The following GPATCH11 variants were observed in gnomAD, a reference collection of about 807,000 sequenced individuals.
GPATCH11 encodes the protein G-patch domain containing 11.
Under a neutral mutation model 44.8 loss-of-function variants are expected in GPATCH11, and 32 were observed. The ratio of observed to expected loss-of-function variants is 0.71; its 90% CI spans 0.54 to 0.96. The LOEUF is 0.96. Ranked by LOEUF, GPATCH11 falls within the 40% of genes least tolerant of loss-of-function variation. GPATCH11 has a pLI of 0.00. For synonymous variants in GPATCH11, 84 were observed against 94.4 expected (o/e 0.89, Z 0.64); for missense variants, 324 against 303.1 (o/e 1.07, Z -0.51).
chr2:37,092,105 G>T, intron 5 of GPATCH11, 60 bp from the exon 6 acceptor site: 1 of 1,572,660 alleles, frequency 6.4e-7, no homozygotes. Flanking sequence ...TGGTACTTGG[G>T]CATATAAAAT....
In GPATCH11 at chr2:37,098,973, C is replaced by G. The variant is rs1363280250; in HGVS notation, c.*2710C>G. The stretch of plus-strand genomic sequence containing the variant: ...TTTATAAATAGGCAATAATGAACAC[C>G]AAGGGAAGCAAAACACTGAAAAGAA... On this transcript the variant is annotated 3_prime_UTR_variant, in exon 9 of 9. Coordinates refer to ENST00000674370, the MANE Select transcript of GPATCH11 (RefSeq NM_174931.4). 1 of 151,904 alleles carries G rather than the reference C, an allele frequency of 6.6e-6. No individual in the cohort carries two copies. The highest frequency in any genetic ancestry group is 2.4e-5 in the African/African-American group (1 of 41,380). 9.4% of individuals were successfully genotyped at this position (151,904 alleles called of 1,614,324 possible). A position where few individuals can be genotyped will look rare whatever the true frequency, so the allele number is the denominator to read the frequency against.
Position 37,099,198 on chromosome 2 carries a change from T to C in GPATCH11, c.*2935T>C, listed in dbSNP as rs1673760502. 1 of 152,250 alleles carries C rather than the reference T, an allele frequency of 6.6e-6. No homozygotes were observed. The highest frequency in any genetic ancestry group is 1.5e-5 in the Non-Finnish European group (1 of 68,042). 9.4% of individuals were successfully genotyped at this position (152,250 alleles called of 1,614,324 possible). A position where few individuals can be genotyped will look rare whatever the true frequency, so the allele number is the denominator to read the frequency against. On this transcript the variant is annotated 3_prime_UTR_variant, in exon 9 of 9. Transcript: ENST00000674370. ...TTTCTGAAATTCAAAATAAATACTT[T>C]AACATACCAAATTGGTTTTTCTAAT...
In GPATCH11 at chr2:37,097,238, T is replaced by C. The variant is rs1673633986; in HGVS notation, c.*975T>C. 3 of 152,206 alleles carry C rather than the reference T, an allele frequency of 2.0e-5. No homozygotes were observed. Among genetic ancestry groups the C allele is most frequent in the Admixed American group, 2.0e-4 (3 of 15,276 alleles). 9.4% of individuals were successfully genotyped at this position (152,206 alleles called of 1,614,324 possible). ...CTTCCAGCCACAGAGAACTCACTGC[T>C]TTAAAACCATTCCATTACTGGGTAG... On this transcript the variant is annotated 3_prime_UTR_variant, in exon 9 of 9. Coordinates refer to ENST00000674370, the MANE Select transcript of GPATCH11 (RefSeq NM_174931.4).
Position 37,092,037 on chromosome 2 carries a change from G to A in GPATCH11, c.449+1G>A. 6.2e-7 allele frequency: 1 copy of A among 1,612,208 alleles called. No homozygotes were observed. ...AAGAAAAAGCTGCAGAACAGTTTCG[G>A]TAAAACTATTTTTGAGCTGGTTTTG... On this transcript the variant is annotated splice_donor_variant, in intron 5 of 8. Coordinates refer to ENST00000674370, the MANE Select transcript of GPATCH11 (RefSeq NM_174931.4). LOFTEE classifies it high-confidence loss of function.
Position 37,096,512 on chromosome 2 carries a change from G to A in GPATCH11, c.*249G>A, listed in dbSNP as rs1673593289. On this transcript the variant is annotated 3_prime_UTR_variant, in exon 9 of 9. Transcript: ENST00000674370. ...TATTGCTATATTGTGATACGTGAGG[G>A]GTTTAAGGACACCAACAGGTAACTT... 1 of 388,934 alleles carries A rather than the reference G, an allele frequency of 2.6e-6. No homozygotes were observed. The highest frequency in any genetic ancestry group is 3.6e-5 in the South Asian group (1 of 27,824). The allele number at this position is 388,934 out of a possible 1,614,324, so 24.1% of individuals were successfully genotyped here.
At chr2:37,088,229 A>T in intron 1 of GPATCH11, 140 bp from the exon 2 acceptor site, 1 of 440,520 alleles carries the variant, frequency 2.3e-6, no homozygotes, top group Admixed American at 4.0e-5. Context: ...GTTGAGTTTG[A>T]AATGTCCACA....
chr2:37,095,319 A>C, intron 7 of GPATCH11, 118 bp from the exon 8 acceptor site: 12 of 1,232,906 alleles, frequency 9.7e-6, no homozygotes, highest in Non-Finnish European at 5.4e-6. Context: ...ATTTCTAATA[A>C]CTATTCCAGA....
At chr2:37,089,550 A>G (rs1439920446) in intron 2 of GPATCH11, 90 bp from the exon 3 acceptor site, 1 of 973,594 alleles carries the variant, frequency 1.0e-6, no homozygotes, top group Non-Finnish European at 1.5e-6. Flanking sequence ...CCGGGCAACA[A>G]GAGCGAAACT....
chr2:37,098,817 T>C lies in GPATCH11; in HGVS notation c.*2554T>C, dbSNP rs1413044247. Reference sequence around the variant, plus strand: ...GTCCCAGCTACTCAGGGGGCTGAGATGGGGAATCCTTTGAGCCCAGAAGTT... The same window carrying C: ...GTCCCAGCTACTCAGGGGGCTGAGACGGGGAATCCTTTGAGCCCAGAAGTT... On this transcript the variant is annotated 3_prime_UTR_variant, in exon 9 of 9. Transcript: ENST00000674370. 1 of 152,108 alleles carries C rather than the reference T, an allele frequency of 6.6e-6. No homozygotes were observed. The highest frequency in any genetic ancestry group is 1.5e-5 in the Non-Finnish European group (1 of 68,030). 9.4% of individuals were successfully genotyped at this position (152,108 alleles called of 1,614,324 possible). A position where few individuals can be genotyped will look rare whatever the true frequency, so the allele number is the denominator to read the frequency against.
chr2:37,090,476 T>C (rs1673262465), intron 3 of GPATCH11, among the ~76,000 whole-genome samples: 2 of 152,196 alleles, frequency 1.3e-5, no homozygotes, highest in African/African-American at 4.8e-5. Context: ...TAGGAGGCTG[T>C]GAATCAGCCT....
intron 4 of GPATCH11, among the ~76,000 whole-genome samples, chr2:37,091,051 G>A (rs573240752): frequency 2.6e-5 from 4 of 152,102 alleles, no homozygotes; most frequent in South Asian, 2.1e-4. Flanking sequence ...TTGGCCGGGC[G>A]TGGTGGCTCA....
intron 1 of GPATCH11, among the ~76,000 whole-genome samples, chr2:37,086,424 A>G (rs1175215126): frequency 6.6e-6 from 1 of 152,212 alleles, no homozygotes; most frequent in Non-Finnish European, 1.5e-5. Flanking sequence ...AGTGGTAGGT[A>G]GGGAGGATAT....
At position 37,088,431 on chromosome 2, in the gene GPATCH11, T is replaced by C; in HGVS notation, c.50T>C (p.Ile17Thr). Residue 17 changes from isoleucine (I) to threonine (T), a missense_variant, in exon 2 of 9, where the codon ATT becomes ACT. Coordinates refer to ENST00000674370, the MANE Select transcript of GPATCH11 (RefSeq NM_174931.4). The part of the protein sequence containing the change: ...EEEDYMSDSF[I>T]NVQEDIRPGL... ...GAGGACTATATGTCTGATTCCTTCA[T>C]TAATGTCCAGTAAGTAAATGTGCAC... 1.3e-6 allele frequency: 2 copies of C among 1,552,064 alleles called. No individual in the cohort carries two copies. Among genetic ancestry groups the C allele is most frequent in the Middle Eastern group, 2.0e-4 (1 of 5,006 alleles).
At chr2:37,093,990 C>A in intron 6 of GPATCH11, 92 bp from the exon 7 acceptor site, 1 of 821,736 alleles carries the variant, frequency 1.2e-6, no homozygotes, top group Non-Finnish European at 2.0e-6. Flanking sequence ...TCAGTGAATA[C>A]GTATTGAAAG....
intron 7 of GPATCH11, 112 bp from the exon 8 acceptor site, chr2:37,095,325 C>G: frequency 7.8e-7 from 1 of 1,284,918 alleles, no homozygotes; most frequent in Non-Finnish European, 1.0e-6. Context: ...AATAACTATT[C>G]CAGAGTATAG....
chr2:37,095,873 A>G (rs541296544), intron 8 of GPATCH11, among the ~76,000 whole-genome samples: 1 of 152,320 alleles, frequency 6.6e-6, no homozygotes, highest in African/African-American at 2.4e-5. Flanking sequence ...ATACTTAGAT[A>G]GAATATTGCC....
intron 4 of GPATCH11, among the ~76,000 whole-genome samples, chr2:37,091,036 A>C (rs1673292827): frequency 6.6e-6 from 1 of 152,194 alleles, no homozygotes; most frequent in Non-Finnish European, 1.5e-5. Flanking sequence ...GCTTAAAGCC[A>C]AGAGTTGGCC....
chr2:37,092,294 T>G lies in GPATCH11; in HGVS notation c.540+39T>G, dbSNP rs550309990. 19 of 929,262 alleles carry G rather than the reference T, an allele frequency of 2.0e-5. No homozygotes were observed. The African/African-American group carries it at 3.1e-4, about 15-fold the overall frequency. 57.6% of individuals were successfully genotyped at this position (929,262 alleles called of 1,614,324 possible). A position where few individuals can be genotyped will look rare whatever the true frequency, so the allele number is the denominator to read the frequency against. On this transcript the variant is annotated intron_variant, in intron 6 of 8. Transcript: ENST00000674370. Reference sequence around the variant, plus strand: ...CAGCTTTCAGTTTAGTAAAGTGTTTTGGCACCCCCTGTGATTTCCCGTTTA... The same window carrying G: ...CAGCTTTCAGTTTAGTAAAGTGTTTGGGCACCCCCTGTGATTTCCCGTTTA...
intron 2 of GPATCH11, 99 bp downstream of exon 2, chr2:37,088,539 A>C: frequency 7.6e-6 from 5 of 660,632 alleles, no homozygotes; most frequent in Non-Finnish European, 1.3e-5. Context: ...TTTTTGAGAC[A>C]GGGTCTCATT....
Sources: gnomAD v4.1 joint callset for allele counts (sites outside exome capture counted in the v4.1 genomes callset) on GRCh38, gnomAD v4.1.1 for gene constraint, MANE v1.5 for transcripts, NCBI Gene and HGNC (gene_info 2026-07-23, HGNC 2026-07-21) for gene names.